TMCO4: variants seen among roughly 807,000 people sequenced by gnomAD.
TMCO4 encodes the protein transmembrane and coiled-coil domain-containing protein 4.
In TMCO4, 58 loss-of-function variants were observed where a neutral mutation model predicts 64.7. That is an observed-to-expected ratio of 0.90 (90% CI 0.73 to 1.12). TMCO4 has a LOEUF of 1.12. Among genes scored for constraint, TMCO4 ranks in the 50% most tolerant of loss-of-function variants. The pLI is 0.00. For missense variants in TMCO4, 780 were observed against 825.9 expected (o/e 0.94, Z 0.68); for synonymous variants, 325 against 346.1 (o/e 0.94, Z 0.68).
At chr1:19,786,099 T>C (rs1475287024) in intron 3 of TMCO4, among the ~76,000 whole-genome samples, 1 of 152,042 alleles carries the variant, frequency 6.6e-6, no homozygotes, top group Non-Finnish European at 1.5e-5. Flanking sequence ...ATTTTAAAAA[T>C]TAGCCAGGCA....
At chr1:19,796,972 C>A (rs1206222445) in intron 2 of TMCO4, among the ~76,000 whole-genome samples, 1 of 152,236 alleles carries the variant, frequency 6.6e-6, no homozygotes, top group South Asian at 2.1e-4. Context: ...AAGGCAGTGG[C>A]TTTTGGGTCA....
intron 3 of TMCO4, among the ~76,000 whole-genome samples, chr1:19,783,814 G>A (rs1421199272): frequency 2.0e-5 from 3 of 152,134 alleles, no homozygotes; most frequent in South Asian, 2.1e-4. Context: ...ATGGAGAAAC[G>A]GAGGCCCAGA....
At chr1:19,765,957 A>C (rs991959510) in intron 6 of TMCO4, among the ~76,000 whole-genome samples, 3 of 152,180 alleles carry the variant, frequency 2.0e-5, no homozygotes, top group African/African-American at 7.2e-5. Flanking sequence ...ACATTCAGCA[A>C]ATCATGCTGC....
At position 19,734,286 on chromosome 1, in the gene TMCO4, T is replaced by C. The variant is rs527519561; in HGVS notation, c.1264+3086A>G. Among the ~76,000 whole-genome samples the C allele has an allele frequency of 1.3e-5, 2 of 152,298 alleles. No individual in the cohort carries two copies. The highest frequency in any genetic ancestry group is 4.1e-4 in the South Asian group (2 of 4,832). On this transcript the variant is annotated intron_variant, in intron 13 of 15. Transcript: ENST00000294543. This position sits in a 1 kb window ranked among gnomAD's most constrained non-coding sequence, Gnocchi z 4.4. ...GTGAGTCATGCTGGGACATCCACAC[T>C]GATCTAGAGAACAGCAGGGGCATTA...
intron 4 of TMCO4, among the ~76,000 whole-genome samples, chr1:19,773,299 A>G (rs937821649): frequency 1.3e-5 from 2 of 151,226 alleles, no homozygotes; most frequent in African/African-American, 4.9e-5. Flanking sequence ...CCTTGGGATC[A>G]ACACCCTGGG....
chr1:19,758,916 C>T (rs562543138), intron 6 of TMCO4, among the ~76,000 whole-genome samples: 7 of 152,150 alleles, frequency 4.6e-5, no homozygotes, highest in African/African-American at 1.4e-4. Flanking sequence ...GCATGGCCAA[C>T]ATGGTGAAAC....
intron 13 of TMCO4, among the ~76,000 whole-genome samples, chr1:19,721,146 A>G (rs1442643782): frequency 6.6e-6 from 1 of 152,118 alleles, no homozygotes; most frequent in Admixed American, 6.6e-5. Context: ...GGACCTGGTT[A>G]TGCAAAATTC....
intron 7 of TMCO4, among the ~76,000 whole-genome samples, chr1:19,749,520 A>G (rs995804523): frequency 5.3e-5 from 8 of 152,004 alleles, no homozygotes; most frequent in African/African-American, 1.9e-4. Context: ...GATATGCACC[A>G]CCACGCTTGG....
intron 13 of TMCO4, among the ~76,000 whole-genome samples, chr1:19,701,756 T>C (rs1370247734): frequency 6.6e-6 from 1 of 151,384 alleles, no homozygotes; most frequent in Non-Finnish European, 1.5e-5. Context: ...AGGGGGCGAG[T>C]AGGTCCTGGG....
At chr1:19,708,691 A>T (rs4457604) in intron 13 of TMCO4, among the ~76,000 whole-genome samples, 1 of 151,902 alleles carries the variant, frequency 6.6e-6, no homozygotes, top group Non-Finnish European at 1.5e-5. Context: ...GCAAACCCTC[A>T]CAGAGCTTTC....
intron 15 of TMCO4, among the ~76,000 whole-genome samples, 198 bp downstream of exon 15, chr1:19,694,236 A>C (rs2095219338): frequency 6.6e-6 from 1 of 152,192 alleles, no homozygotes; most frequent in African/African-American, 2.4e-5. Flanking sequence ...TCCTGGGCTC[A>C]AGGGATCTGC....
In TMCO4 at chr1:19,739,640, T is replaced by C. The variant is rs1266444; in HGVS notation, c.1179+184A>G. 0.51 allele frequency among the ~76,000 whole-genome samples: 77,499 copies of C among 152,048 alleles called. 20,312 individuals are homozygous for C. The highest frequency in any genetic ancestry group is 0.64 in the African/African-American group (26,674 of 41,476). On this transcript the variant is annotated intron_variant, in intron 12 of 15. Transcript: ENST00000294543. The stretch of plus-strand genomic sequence containing the variant: ...TGCTAGAGCTGCAGAGTCTATAATT[T>C]TTACTGTTCATCCTAGGACACATTC...
At chr1:19,789,769 G>A (rs1205654560) in intron 2 of TMCO4, among the ~76,000 whole-genome samples, 2 of 151,816 alleles carry the variant, frequency 1.3e-5, no homozygotes, top group African/African-American at 4.8e-5. Context: ...GTAAGAAAAG[G>A]AGGCTGGGTG....
intron 13 of TMCO4, among the ~76,000 whole-genome samples, chr1:19,719,551 C>T (rs2095372024): frequency 1.3e-5 from 2 of 152,100 alleles, no homozygotes; most frequent in Non-Finnish European, 2.9e-5. Context: ...GATTTAGAGA[C>T]AGGGTCTCCC....
At chr1:19,736,926 C>T (rs1212655298) in intron 13 of TMCO4, among the ~76,000 whole-genome samples, 1 of 152,154 alleles carries the variant, frequency 6.6e-6, no homozygotes, top group Non-Finnish European at 1.5e-5. Flanking sequence ...TCTGTCTGTC[C>T]TTATGAGAGA....
chr1:19,791,382 T>C (rs10917540), intron 2 of TMCO4, among the ~76,000 whole-genome samples: 152,056 of 152,298 alleles, frequency 1, 75,908 homozygotes, highest in Middle Eastern at 1. Context: ...GGACAGACAG[T>C]GCAATTCTCA....
Position 19,682,708 on chromosome 1 carries a change from TC to T in TMCO4, c.*331del. On this transcript the variant is annotated 3_prime_UTR_variant, in exon 16 of 16. Coordinates refer to ENST00000294543, the MANE Select transcript of TMCO4 (RefSeq NM_181719.7). The stretch of plus-strand genomic sequence containing the variant: ...GGGACCTCCTGATGGACAGCCAGAC[TC>T]CAAAGCTATGAGAAGTACAGAAAGC... 1.4e-6 allele frequency: 1 copy of T among 717,742 alleles called. No individual in the cohort carries two copies. 44.5% of individuals were successfully genotyped at this position (717,742 alleles called of 1,614,324 possible). A position where few individuals can be genotyped will look rare whatever the true frequency, so the allele number is the denominator to read the frequency against.
chr1:19,706,958 G>A (rs556379541), intron 13 of TMCO4, among the ~76,000 whole-genome samples: 1 of 152,200 alleles, frequency 6.6e-6, no homozygotes, highest in African/African-American at 2.4e-5. Context: ...TCATTAAATT[G>A]TGCATTTAAA....
intron 15 of TMCO4, among the ~76,000 whole-genome samples, chr1:19,687,148 C>T (rs2095155675): frequency 6.6e-6 from 1 of 152,136 alleles, no homozygotes; most frequent in Non-Finnish European, 1.5e-5. Flanking sequence ...GACAGTATTT[C>T]ACCATGTTGG....
Sources: gnomAD v4.1 joint callset for allele counts (sites outside exome capture counted in the v4.1 genomes callset) on GRCh38, gnomAD v4.1.1 for gene constraint, Gnocchi (gnomAD v3.1) non-coding constraint, MANE v1.5 for transcripts, NCBI Gene and HGNC (gene_info 2026-07-23, HGNC 2026-07-21) for gene names.